Variants in SUDS3 observed in about 807,000 individuals in gnomAD.
The protein encoded by SUDS3 is sin3 histone deacetylase corepressor complex component SDS3.
SUDS3 carries 23 observed loss-of-function variants against 53.5 expected under a neutral mutation model. The observed-to-expected ratio is 0.43, with a 90% CI of 0.31 to 0.61. The LOEUF is 0.61. SUDS3 is among the 20% of genes least tolerant of loss of function. SUDS3 has a pLI of 0.10. For missense variants in SUDS3, 291 were observed against 405.9 expected (o/e 0.72, Z 2.43); for synonymous variants, 150 against 148.5 (o/e 1.01, Z -0.08).
At chr12:118,394,525 T>C (rs2046196990) in intron 6 of SUDS3, among the ~76,000 whole-genome samples, 1 of 152,200 alleles carries the variant, frequency 6.6e-6, no homozygotes, top group Non-Finnish European at 1.5e-5. Flanking sequence ...GTGGTGGCAC[T>C]AAGTGACTCA....
At chr12:118,387,384 C>T (rs570069455) in intron 4 of SUDS3, among the ~76,000 whole-genome samples, 115 of 152,278 alleles carry the variant, frequency 7.6e-4, no homozygotes, top group Non-Finnish European at 1.5e-3. Context: ...GCTCTTGAAA[C>T]CTCAATTTCT....
chr12:118,410,950 A>G, intron 10 of SUDS3, 123 bp from the exon 11 acceptor site: 2 of 824,238 alleles, frequency 2.4e-6, no homozygotes, highest in East Asian at 5.5e-5. Flanking sequence ...CTATTCCTCA[A>G]ATGTGAATTA....
At chr12:118,408,682 T>C (rs942952963) in intron 10 of SUDS3, among the ~76,000 whole-genome samples, 5 of 151,628 alleles carry the variant, frequency 3.3e-5, no homozygotes, top group African/African-American at 1.2e-4. Flanking sequence ...GTTGACATAG[T>C]TTTTTTTGGT....
At chr12:118,385,591 A>G (rs1231146718) in intron 3 of SUDS3, among the ~76,000 whole-genome samples, 3 of 152,168 alleles carry the variant, frequency 2.0e-5, no homozygotes, top group Admixed American at 6.6e-5. Flanking sequence ...CTATACCTGA[A>G]TTGTTTAATG....
At chr12:118,396,393 A>G (rs2046215813) in intron 6 of SUDS3, among the ~76,000 whole-genome samples, 1 of 152,130 alleles carries the variant, frequency 6.6e-6, no homozygotes, top group Non-Finnish European at 1.5e-5. Context: ...CTGGGACTAC[A>G]GGCACCTGCC....
At chr12:118,389,752 CTT>C (rs1399693002) in intron 4 of SUDS3, among the ~76,000 whole-genome samples, 173 bp from the exon 5 acceptor site, 2 of 152,190 alleles carry the variant, frequency 1.3e-5, no homozygotes, top group East Asian at 3.8e-4. Flanking sequence ...TTTAACTAGA[CTT>C]GAGTACTTGT....
At chr12:118,408,890 G>A (rs1026100261) in intron 10 of SUDS3, among the ~76,000 whole-genome samples, 2 of 152,024 alleles carry the variant, frequency 1.3e-5, no homozygotes, top group African/African-American at 4.8e-5. Context: ...TTCTCCCTCT[G>A]TATTTTTATT....
intron 3 of SUDS3, among the ~76,000 whole-genome samples, chr12:118,385,635 A>G (rs1414395660): frequency 6.6e-6 from 1 of 152,194 alleles, no homozygotes; most frequent in East Asian, 1.9e-4. Context: ...TTTAAATTTA[A>G]TTAATAATTT....
intron 3 of SUDS3, among the ~76,000 whole-genome samples, chr12:118,384,700 G>A (rs1834980289): frequency 2.6e-5 from 4 of 152,154 alleles, no homozygotes; most frequent in Admixed American, 2.6e-4. Context: ...GGGCGTTGTA[G>A]TGGGCACCTG....
intron 4 of SUDS3, among the ~76,000 whole-genome samples, chr12:118,388,569 A>G (rs1382735841): frequency 6.6e-6 from 1 of 152,180 alleles, no homozygotes; most frequent in African/African-American, 2.4e-5. Context: ...CATCCGGCAC[A>G]TGGTAGGTGC....
At chr12:118,379,365 A>T (rs2046032663) in intron 1 of SUDS3, among the ~76,000 whole-genome samples, 1 of 152,130 alleles carries the variant, frequency 6.6e-6, no homozygotes, top group Non-Finnish European at 1.5e-5. Context: ...TGAACCCAGG[A>T]GGTGGAGGTT....
In SUDS3 at chr12:118,414,486, GT is replaced by G. The variant is rs570658004; in HGVS notation, c.*57del. On this transcript the variant is annotated 3_prime_UTR_variant, in exon 12 of 12. Transcript: ENST00000543473. The stretch of plus-strand genomic sequence containing the variant: ...TTTTTCTGGAGTGGGTTTTATTTTT[GT>G]TTTGTTTCGTTTTCTCCTTAATAGA... 7.3e-5 allele frequency: 99 copies of G among 1,365,278 alleles called. No individual in the cohort carries two copies. In the African/African-American group the frequency reaches 1.4e-3, roughly 19 times the overall value. 84.6% of individuals were successfully genotyped at this position (1,365,278 alleles called of 1,614,324 possible). A position where few individuals can be genotyped will look rare whatever the true frequency, so the allele number is the denominator to read the frequency against.
intron 10 of SUDS3, among the ~76,000 whole-genome samples, chr12:118,410,839 C>T (rs1054973943): frequency 6.6e-5 from 10 of 152,062 alleles, no homozygotes; most frequent in East Asian, 1.9e-4. Flanking sequence ...CCTTGTGATC[C>T]GCCTGCCTCG....
At position 118,417,611 on chromosome 12, in the gene SUDS3, T is replaced by G. The variant is rs908276239; in HGVS notation, c.*3178T>G. ...ATTTCAAGCAGGTGATGGTCTTTTT[T>G]TATAACATCGTTAACGGGTACCATT... On this transcript the variant is annotated 3_prime_UTR_variant, in exon 12 of 12. Transcript: ENST00000543473. 6.6e-6 allele frequency: 1 copy of G among 152,114 alleles called. No homozygotes were observed. The highest frequency in any genetic ancestry group is 2.4e-5 in the African/African-American group (1 of 41,416). 9.4% of individuals were successfully genotyped at this position (152,114 alleles called of 1,614,324 possible).
At chr12:118,378,503 A>G (rs967822480) in intron 1 of SUDS3, among the ~76,000 whole-genome samples, 2 of 140,048 alleles carry the variant, frequency 1.4e-5, no homozygotes, top group African/African-American at 2.7e-5. Flanking sequence ...TTTTTTTAAG[A>G]TGGGGTCTCA....
At chr12:118,381,673 G>A (rs971327656) in intron 2 of SUDS3, among the ~76,000 whole-genome samples, 2 of 152,014 alleles carry the variant, frequency 1.3e-5, no homozygotes, top group East Asian at 1.9e-4. Flanking sequence ...AGGCGTGAGC[G>A]ACCCTGCCTG....
rs1275189485 is a variant in SUDS3, at chr12:118,416,776, A to G, written c.*2343A>G. ...TGGGCAGAAGCCTTACTAAAGGGGA[A>G]GACAGACTTTGAAGTTTCTAGACGA... On this transcript the variant is annotated 3_prime_UTR_variant, in exon 12 of 12. Transcript: ENST00000543473. 1 of 152,202 alleles carries G rather than the reference A, an allele frequency of 6.6e-6. No individual in the cohort carries two copies. The highest frequency in any genetic ancestry group is 1.5e-5 in the Non-Finnish European group (1 of 68,044). 9.4% of individuals were successfully genotyped at this position (152,202 alleles called of 1,614,324 possible). A position where few individuals can be genotyped will look rare whatever the true frequency, so the allele number is the denominator to read the frequency against.
At position 118,376,948 on chromosome 12, in the gene SUDS3, G is replaced by A. The variant is rs1016589204; in HGVS notation, c.142+115G>A. The stretch of plus-strand genomic sequence containing the variant: ...CTCCGGGGCCTGGGGCTGCGTGGAG[G>A]GGCCGCCGGGAGTTGCGGGGCTCGG... On this transcript the variant is annotated intron_variant, in intron 1 of 11. Transcript: ENST00000543473. The A allele has an allele frequency of 4.7e-6, 6 of 1,289,528 alleles. No homozygotes were observed. The African/African-American group carries it at 7.9e-5, about 17-fold the overall frequency. 79.9% of individuals were successfully genotyped at this position (1,289,528 alleles called of 1,614,324 possible).
chr12:118,413,474 G>A (rs2046375371), intron 11 of SUDS3, among the ~76,000 whole-genome samples: 1 of 152,170 alleles, frequency 6.6e-6, no homozygotes. Flanking sequence ...CTTTAAAATG[G>A]GGCCAATGAT....
Sources: gnomAD v4.1 joint callset for allele counts (sites outside exome capture counted in the v4.1 genomes callset) on GRCh38, gnomAD v4.1.1 for gene constraint, MANE v1.5 for transcripts, NCBI Gene and HGNC (gene_info 2026-07-23, HGNC 2026-07-21) for gene names.